Variants in EIF4G3 observed in about 807,000 individuals in gnomAD.
The protein encoded by EIF4G3 is eIF-4-gamma 3.
In EIF4G3, 34 loss-of-function variants were observed where a neutral mutation model predicts 186.4. That is an observed-to-expected ratio of 0.18 (90% CI 0.14 to 0.24). The LOEUF (loss-of-function observed/expected upper bound fraction) is 0.24, where lower values mean the gene tolerates loss of function less well. EIF4G3 is among the 10% of genes least tolerant of loss of function. The pLI is 1.00. For missense variants in EIF4G3, 1,536 were observed against 1,948.5 expected (o/e 0.79, Z 3.99); for synonymous variants, 673 against 679.5 (o/e 0.99, Z 0.15).
chr1:20,964,709 A>G (rs548676040), intron 12 of EIF4G3, among the ~76,000 whole-genome samples: 6 of 152,284 alleles, frequency 3.9e-5, no homozygotes, highest in South Asian at 4.1e-4. Flanking sequence ...CCTAGTTCAA[A>G]TATTTCCTTC....
Position 20,841,032 on chromosome 1 carries a change from T to C in EIF4G3, c.3889-4A>G. On this transcript the variant is annotated splice_region_variant and splice_polypyrimidine_tract_variant and intron_variant, in intron 29 of 36. Coordinates refer to ENST00000602326, the MANE Select transcript of EIF4G3 (RefSeq NM_001391906.1). Reference sequence around the variant, plus strand: ...CTTCCACACACTGCATGGCTTCCTGTTCCAACAGCAAAGAAAGGTTTACTC... The same window carrying C: ...CTTCCACACACTGCATGGCTTCCTGCTCCAACAGCAAAGAAAGGTTTACTC... 1 of 1,613,418 alleles carries C rather than the reference T, an allele frequency of 6.2e-7. No homozygotes were observed. Among genetic ancestry groups the C allele is most frequent in the South Asian group, 1.1e-5 (1 of 90,938 alleles).
Position 21,176,864 on chromosome 1 carries a change from C to A in EIF4G3, c.-598G>T, listed in dbSNP as rs931786381. Reference sequence around the variant, plus strand: ...AACGAGCAGAGCATCCAACATGGCGCTGTGGCCGCCTCCAGCAGTCCGGCA... The same window carrying A: ...AACGAGCAGAGCATCCAACATGGCGATGTGGCCGCCTCCAGCAGTCCGGCA... On this transcript the variant is annotated 5_prime_UTR_variant, in exon 1 of 37. Transcript: ENST00000602326. 2.9e-6 allele frequency: 2 copies of A among 699,892 alleles called. No individual in the cohort carries two copies. Among genetic ancestry groups the A allele is most frequent in the South Asian group, 3.0e-5 (2 of 67,564 alleles). 43.4% of individuals were successfully genotyped at this position (699,892 alleles called of 1,614,324 possible). A position where few individuals can be genotyped will look rare whatever the true frequency, so the allele number is the denominator to read the frequency against.
At chr1:20,934,627 T>G (rs2095456726) in intron 14 of EIF4G3, among the ~76,000 whole-genome samples, 2 of 151,972 alleles carry the variant, frequency 1.3e-5, no homozygotes, top group African/African-American at 4.8e-5. Context: ...ATAAAAATAA[T>G]GGTTGGGATG....
At position 21,007,269 on chromosome 1, in the gene EIF4G3, G is replaced by A. The variant is rs551220832; in HGVS notation, c.-66-4461C>T. Among the ~76,000 whole-genome samples, 17 of 151,946 alleles carry A rather than the reference G, an allele frequency of 1.1e-4. No individual in the cohort carries two copies. The South Asian group carries it at 3.5e-3, about 32-fold the overall frequency. ...AAAAATTAGATGGGTGTGGTGGTGG[G>A]CACCTGTAATCCCAGCTACTTGGGA... On this transcript the variant is annotated intron_variant, in intron 4 of 36. Coordinates refer to ENST00000602326, the MANE Select transcript of EIF4G3 (RefSeq NM_001391906.1).
chr1:20,938,499 TA>T (rs1305436624), intron 14 of EIF4G3, among the ~76,000 whole-genome samples: 1 of 152,128 alleles, frequency 6.6e-6, no homozygotes, highest in African/African-American at 2.4e-5. Context: ...CAGAGACAAG[TA>T]AAAACTATTC....
At position 21,150,704 on chromosome 1, in the gene EIF4G3, C is replaced by T. The variant is rs550095843; in HGVS notation, c.-272+25471G>A. ...AATTATAAAAATAACTGGCCGGGTGCGGTGGCTCAGGCCTGTAATCCCAGC... is the reference window on the plus strand; with the variant it reads ...AATTATAAAAATAACTGGCCGGGTGTGGTGGCTCAGGCCTGTAATCCCAGC... On this transcript the variant is annotated intron_variant, in intron 2 of 36. Transcript: ENST00000602326. 9.9e-5 allele frequency among the ~76,000 whole-genome samples: 15 copies of T among 152,270 alleles called. 1 individual carries two copies. In the East Asian group the frequency reaches 2.5e-3, roughly 25 times the overall value.
rs1420355634 is a variant in EIF4G3, at chr1:20,810,262, C to T, written c.4744+476G>A. Among the ~76,000 whole-genome samples the T allele has an allele frequency of 2.0e-5, 3 of 152,040 alleles. No individual in the cohort carries two copies. The highest frequency in any genetic ancestry group is 7.3e-5 in the African/African-American group (3 of 41,376). On this transcript the variant is annotated intron_variant, in intron 36 of 36. Transcript: ENST00000602326. The surrounding 1 kb of genome is among the most constrained non-coding windows in gnomAD (Gnocchi z 4.1). Reference sequence around the variant, plus strand: ...CTCCGCCTCCTGGGTTCAAGCGATTCTCCTGCCTCAGCCTCCCAAGTAGCT... The same window carrying T: ...CTCCGCCTCCTGGGTTCAAGCGATTTTCCTGCCTCAGCCTCCCAAGTAGCT...
At chr1:20,813,050 G>T in intron 35 of EIF4G3, 108 bp downstream of exon 35, 1 of 729,936 alleles carries the variant, frequency 1.4e-6, no homozygotes, top group Non-Finnish European at 2.3e-6. Flanking sequence ...AGAAAAGTGA[G>T]CTACATAGGA....
intron 2 of EIF4G3, among the ~76,000 whole-genome samples, chr1:21,135,046 TAAGAA>T (rs1185940940): frequency 6.6e-6 from 1 of 152,202 alleles, no homozygotes; most frequent in Non-Finnish European, 1.5e-5. Flanking sequence ...TTATAGATTC[TAAGAA>T]AAGAAATACG....
At chr1:20,827,939 G>A (rs2064041842) in intron 31 of EIF4G3, among the ~76,000 whole-genome samples, 2 of 151,972 alleles carry the variant, frequency 1.3e-5, no homozygotes, top group South Asian at 4.2e-4. Flanking sequence ...ACAAAGATCA[G>A]ATGTGGTAAT....
intron 2 of EIF4G3, among the ~76,000 whole-genome samples, chr1:21,106,296 G>T (rs1463681347): frequency 6.6e-6 from 1 of 151,830 alleles, no homozygotes. Context: ...GGGTAAGAGA[G>T]GAAAGAAAAA....
intron 7 of EIF4G3, among the ~76,000 whole-genome samples, chr1:20,992,233 T>TGCAA (rs2081290371): frequency 6.6e-6 from 1 of 152,228 alleles, no homozygotes; most frequent in Non-Finnish European, 1.5e-5. Context: ...GTCGTATAGA[T>TGCAA]GCTTGAGATG....
chr1:20,903,844 T>G (rs1489960716), intron 15 of EIF4G3, among the ~76,000 whole-genome samples: 1 of 152,206 alleles, frequency 6.6e-6, no homozygotes, highest in East Asian at 1.9e-4. Flanking sequence ...TTTTATCATG[T>G]TAAACCTTGA....
intron 24 of EIF4G3, among the ~76,000 whole-genome samples, chr1:20,857,708 T>C (rs1356031113): frequency 6.6e-6 from 1 of 152,184 alleles, no homozygotes; most frequent in Non-Finnish European, 1.5e-5. Flanking sequence ...CACTGCTTAT[T>C]TTGGATCACC....
At chr1:20,942,668 C>A (rs2095766383) in intron 13 of EIF4G3, among the ~76,000 whole-genome samples, 1 of 152,064 alleles carries the variant, frequency 6.6e-6, no homozygotes, top group Non-Finnish European at 1.5e-5. Flanking sequence ...GGTAGGAAAA[C>A]CTTCATTTCT....
chr1:20,975,386 CAAAA>C (rs78713799), intron 10 of EIF4G3, among the ~76,000 whole-genome samples: 2 of 127,736 alleles, frequency 1.6e-5, no homozygotes, highest in Non-Finnish European at 3.4e-5. Flanking sequence ...AAACAAAAAA[CAAAA>C]AAAAAAAAAA....
At chr1:21,145,191 T>G (rs2097417032) in intron 2 of EIF4G3, among the ~76,000 whole-genome samples, 1 of 152,150 alleles carries the variant, frequency 6.6e-6, no homozygotes, top group Admixed American at 6.5e-5. Context: ...CATGTAATCC[T>G]CAGTACAACT....
At chr1:21,041,242 G>A (rs545581926) in intron 4 of EIF4G3, among the ~76,000 whole-genome samples, 17 of 151,966 alleles carry the variant, frequency 1.1e-4, no homozygotes, top group Middle Eastern at 3.4e-3. Flanking sequence ...GATTACCTCC[G>A]CATCCTCCTT....
intron 14 of EIF4G3, among the ~76,000 whole-genome samples, chr1:20,919,249 C>A (rs2094254197): frequency 6.6e-6 from 1 of 152,158 alleles, no homozygotes; most frequent in Non-Finnish European, 1.5e-5. Flanking sequence ...CACTTAGTCG[C>A]CCAGGCTGAA....
Sources: allele counts gnomAD v4.1 joint callset (sites outside exome capture counted in the v4.1 genomes callset), GRCh38; gene constraint gnomAD v4.1.1; non-coding constraint Gnocchi (gnomAD v3.1); transcripts MANE v1.5; gene names NCBI Gene and HGNC (gene_info 2026-07-23, HGNC 2026-07-21).